ATG16L1: variants seen among roughly 807,000 people sequenced by gnomAD.
The protein encoded by ATG16L1 is autophagy related 16 like 1.
Under a neutral mutation model 88.5 loss-of-function variants are expected in ATG16L1, and 37 were observed. That is an observed-to-expected ratio of 0.42 (90% CI 0.32 to 0.55). ATG16L1 has a LOEUF of 0.55. Ranked by LOEUF, ATG16L1 falls within the 20% of genes least tolerant of loss-of-function variation. The pLI is 0.13. For synonymous variants in ATG16L1, 301 were observed against 281.0 expected, an observed-to-expected ratio of 1.07 and a Z score of -0.71; for missense variants, 554 against 752.8, an observed-to-expected ratio of 0.74 and a Z score of 3.09.
chr2:233,290,414 C>A, intron 14 of ATG16L1, 61 bp downstream of exon 14: 1 of 1,343,318 alleles, frequency 7.4e-7, no homozygotes, highest in Non-Finnish European at 1.1e-6. Context: ...TGGTTCTGTA[C>A]ATGGGTTGTG....
chr2:233,251,673 AG>A lies in ATG16L1; in HGVS notation c.-154del. The stretch of plus-strand genomic sequence containing the variant: ...AAAATCATTTCCGGCATGAGCCGGA[AG>A]ACCGTCCCGGATGGCCTCGGGGACT... On this transcript the variant is annotated 5_prime_UTR_variant, in exon 1 of 18. Transcript: ENST00000392017. 2 of 656,938 alleles carry A rather than the reference AG, an allele frequency of 3.0e-6. No homozygotes were observed. Among genetic ancestry groups the A allele is most frequent in the South Asian group, 3.5e-5 (2 of 56,718 alleles). 40.7% of individuals were successfully genotyped at this position (656,938 alleles called of 1,614,324 possible). A position where few individuals can be genotyped will look rare whatever the true frequency, so the allele number is the denominator to read the frequency against.
rs144316394 is a variant in ATG16L1, at chr2:233,289,408, T to TGTGTGTGTGTGAGAGAGA, written c.1204-445_1204-444insTGTGTGTGTGAGAGAGAG. ...GTGTGTGTGTGTGTGTGTGTGTGTG[T>TGTGTGTGTGTGAGAGAGA]GACAGGATCTTGCTATCACTCAGGT... On this transcript the variant is annotated intron_variant, in intron 12 of 17. Coordinates refer to ENST00000392017, the MANE Select transcript of ATG16L1 (RefSeq NM_030803.7). Among the ~76,000 whole-genome samples, 144 of 149,642 alleles carry TGTGTGTGTGTGAGAGAGA rather than the reference T, an allele frequency of 9.6e-4. 1 individual carries two copies. The South Asian group carries it at 0.011, about 12-fold the overall frequency.
Position 233,277,625 on chromosome 2 carries a change from G to C in ATG16L1, c.1012G>C (p.Ala338Pro). The C allele has an allele frequency of 6.2e-7, 1 of 1,614,108 alleles. No individual in the cohort carries two copies. ...VQFSPGSRLL[A>P]TGGMDRRVKL... is the part of the protein sequence containing the mutation. ...GTTCAGTCCAGGTTCCCGGTTACTG[G>C]CCACTGGAGGCATGGACCGCAGGGT... The change falls in exon 10 of 18, where the codon GCC becomes CCC. Residue 338 changes from alanine (A) to proline (P), a missense_variant. Transcript: ENST00000392017.
At chr2:233,258,540 G>T (rs1245599505) in intron 2 of ATG16L1, among the ~76,000 whole-genome samples, 5 of 152,214 alleles carry the variant, frequency 3.3e-5, no homozygotes, top group Non-Finnish European at 7.3e-5. Context: ...TTTAGGTGTA[G>T]ATAATGCTGT....
chr2:233,269,881 G>A (rs543710577), intron 5 of ATG16L1, 121 bp from the exon 6 acceptor site: 2 of 912,216 alleles, frequency 2.2e-6, no homozygotes, highest in South Asian at 4.5e-5. Flanking sequence ...TTTGCTCAGG[G>A]TAGTTGTTAT....
chr2:233,276,289 CTA>C (rs1363823688), intron 9 of ATG16L1, among the ~76,000 whole-genome samples: 2 of 152,118 alleles, frequency 1.3e-5, no homozygotes, highest in Non-Finnish European at 2.9e-5. Flanking sequence ...TATTGATAGT[CTA>C]TGTTTTCTAG....
intron 14 of ATG16L1, among the ~76,000 whole-genome samples, chr2:233,290,855 G>A (rs1234808891): frequency 1.3e-5 from 2 of 152,198 alleles, no homozygotes; most frequent in Non-Finnish European, 2.9e-5. Flanking sequence ...GCTATGAGGG[G>A]TTGAAATCAG....
chr2:233,294,092 G>T (rs1699649812), intron 17 of ATG16L1, among the ~76,000 whole-genome samples, 165 bp from the exon 18 acceptor site: 1 of 152,228 alleles, frequency 6.6e-6, no homozygotes, highest in Admixed American at 6.5e-5. Flanking sequence ...GAGGTCTTTT[G>T]CATGTTAGTG....
intron 5 of ATG16L1, among the ~76,000 whole-genome samples, chr2:233,265,644 A>T (rs898047784): frequency 6.6e-6 from 1 of 151,882 alleles, no homozygotes; most frequent in East Asian, 1.9e-4. Flanking sequence ...TAATTTTTGT[A>T]TTTTTAGTAG....
At position 233,277,568 on chromosome 2, in the gene ATG16L1, G is replaced by T; in HGVS notation, c.955G>T (p.Asp319Tyr). 7 of 1,613,872 alleles carry T rather than the reference G, an allele frequency of 4.3e-6. No individual in the cohort carries two copies. Among genetic ancestry groups the T allele is most frequent in the Non-Finnish European group, 5.9e-6 (7 of 1,179,806 alleles). ...TTGACACAGGGTGCTTGTCTTGCAG[G>T]ATGCACATGATGGGGAAGTCAACGC... ...RVPATALCVFDAHDGEVNAVQ... is the reference protein window; with the variant it reads ...RVPATALCVFYAHDGEVNAVQ... The change falls in exon 10 of 18, where the codon GAT (aspartate) becomes TAT (tyrosine). Residue 319 changes from aspartate (D) to tyrosine (Y), a missense_variant and splice_region_variant. Around this residue, in one of 5 missense-constraint regions of ATG16L1, gnomAD observed 370 missense variants for 509.7 expected, o/e 0.73. Transcript: ENST00000392017.
At chr2:233,258,021 C>A (rs28376167) in intron 2 of ATG16L1, among the ~76,000 whole-genome samples, 12,759 of 49,306 alleles carry the variant, frequency 0.26, 769 homozygotes, top group African/African-American at 0.29. Flanking sequence ...AAAAAAATAT[C>A]TATATATCTA....
Position 233,289,408 on chromosome 2 carries a change from T to TGTGTGTGTGTGTGTGTGTGTGTGTGAGA in ATG16L1, c.1204-445_1204-444insTGTGTGTGTGTGTGTGTGTGTGTGAGAG, listed in dbSNP as rs144316394. On this transcript the variant is annotated intron_variant, in intron 12 of 17. Transcript: ENST00000392017. Reference sequence around the variant, plus strand: ...GTGTGTGTGTGTGTGTGTGTGTGTGTGACAGGATCTTGCTATCACTCAGGT... The same window carrying TGTGTGTGTGTGTGTGTGTGTGTGTGAGA: ...GTGTGTGTGTGTGTGTGTGTGTGTGTGTGTGTGTGTGTGTGTGTGTGTGTGAGAGACAGGATCTTGCTATCACTCAGGT... Among the ~76,000 whole-genome samples, 2 of 149,536 alleles carry TGTGTGTGTGTGTGTGTGTGTGTGTGAGA rather than the reference T, an allele frequency of 1.3e-5. 1 individual carries two copies. The highest frequency in any genetic ancestry group is 3.0e-5 in the Non-Finnish European group (2 of 67,648).
In ATG16L1 at chr2:233,265,141, C is replaced by T; in HGVS notation, c.639C>T (p.Ser213=). 2 of 1,613,774 alleles carry T rather than the reference C, an allele frequency of 1.2e-6. No homozygotes were observed. The highest frequency in any genetic ancestry group is 1.7e-6 in the Non-Finnish European group (2 of 1,179,954). Reference sequence around the variant, plus strand: ...TTAATGCAGAGAATGAAAAAGACTCCAGGTGGGCTATCAATCCACAGTTAG... The same window carrying T: ...TTAATGCAGAGAATGAAAAAGACTCTAGGTGGGCTATCAATCCACAGTTAG... ...NRLNAENEKD[S]RRRQARLQKE... The change falls in exon 5 of 18, where the codon TCC becomes TCT. Residue 213 remains serine (S), a splice_region_variant and synonymous_variant. Coordinates refer to ENST00000392017, the MANE Select transcript of ATG16L1 (RefSeq NM_030803.7).
intron 2 of ATG16L1, among the ~76,000 whole-genome samples, chr2:233,261,657 A>G (rs1697223183): frequency 8.4e-6 from 1 of 119,612 alleles, no homozygotes. Context: ...TTCCGCTCTC[A>G]TCGGATGTTG....
At chr2:233,263,101 C>G in intron 2 of ATG16L1, 29 bp from the exon 3 acceptor site, 2 of 1,596,806 alleles carry the variant, frequency 1.3e-6, no homozygotes, top group Non-Finnish European at 1.7e-6. Context: ...TTTGCACATT[C>G]TCTTCATCTG....
chr2:233,273,960 C>G (rs553042730), intron 8 of ATG16L1, 183 bp downstream of exon 8: 1 of 1,549,822 alleles, frequency 6.5e-7, no homozygotes, highest in Admixed American at 2.0e-5. Context: ...CTTAATCTCG[C>G]TGCGTGCTGA....
Position 233,273,708 on chromosome 2 carries a change from CCCT to C in ATG16L1, c.795-8_795-6del, listed in dbSNP as rs1559394578. 1 of 1,613,796 alleles carries C rather than the reference CCCT, an allele frequency of 6.2e-7. No individual in the cohort carries two copies. Among genetic ancestry groups the C allele is most frequent in the Non-Finnish European group, 8.5e-7 (1 of 1,179,770 alleles). On this transcript the variant is annotated splice_polypyrimidine_tract_variant and intron_variant, in intron 7 of 17. Transcript: ENST00000392017. ...GTTTCTAAGGTTTAAACCTATCCTC[CCCT>C]CCTCTTTAGTAAGCGACTCTCGCAG...
rs1237255405 is a variant in ATG16L1, at chr2:233,277,733, A to G, written c.1060+60A>G. On this transcript the variant is annotated intron_variant, in intron 10 of 17. Coordinates refer to ENST00000392017, the MANE Select transcript of ATG16L1 (RefSeq NM_030803.7). ...TTGAGATGATGCACCCTTGCACTGC[A>G]GAAAGAAGCTGTGTTGCTGGCATCT... The G allele has an allele frequency of 6.2e-6, 9 of 1,458,006 alleles. No individual in the cohort carries two copies. The Admixed American group carries it at 1.0e-4, about 16-fold the overall frequency. The allele number at this position is 1,458,006 out of a possible 1,614,324, so 90.3% of individuals were successfully genotyped here.
At chr2:233,261,652 C>T (rs1026755035) in intron 2 of ATG16L1, among the ~76,000 whole-genome samples, 1 of 135,500 alleles carries the variant, frequency 7.4e-6, no homozygotes, top group Admixed American at 7.2e-5. Flanking sequence ...GTTCTTTCCG[C>T]TCTCATCGGA....
Sources: gnomAD v4.1 joint callset for allele counts (sites outside exome capture counted in the v4.1 genomes callset) on GRCh38, gnomAD v4.1.1 for gene constraint, gnomAD v4.1.1 regional missense constraint, MANE v1.5 for transcripts, NCBI Gene and HGNC (gene_info 2026-07-23, HGNC 2026-07-21) for gene names.